FLT1: variants seen among roughly 807,000 people sequenced by gnomAD.
FLT1 encodes the protein vascular endothelial growth factor receptor 1.
A neutral mutation model predicts 156.3 loss-of-function variants in FLT1; 49 were observed. The ratio of observed to expected loss-of-function variants is 0.31; its 90% CI spans 0.25 to 0.40. The LOEUF (loss-of-function observed/expected upper bound fraction) is 0.40, where lower values mean the gene tolerates loss of function less well. Among genes scored for constraint, FLT1 ranks in the 10% least tolerant of loss-of-function variants. The pLI is 1.00. For missense variants in FLT1, 1,322 were observed against 1,637.2 expected (o/e 0.81, Z 3.32); for synonymous variants, 594 against 583.8 (o/e 1.02, Z -0.25).
intron 6 of FLT1, among the ~76,000 whole-genome samples, 159 bp from the exon 7 acceptor site, chr13:28,431,469 A>G (rs555179242): frequency 2.0e-5 from 3 of 152,334 alleles, no homozygotes; most frequent in Non-Finnish European, 4.4e-5. Flanking sequence ...TGGAAACTAC[A>G]TCTGTGTCTA....
chr13:28,400,697 G>A (rs1187612173), intron 11 of FLT1, among the ~76,000 whole-genome samples: 5 of 152,068 alleles, frequency 3.3e-5, no homozygotes, highest in African/African-American at 9.7e-5. Context: ...GGAAAAAAAC[G>A]AAAATAGCAT....
At chr13:28,445,782 T>C (rs1450376274) in intron 3 of FLT1, among the ~76,000 whole-genome samples, 1 of 152,062 alleles carries the variant, frequency 6.6e-6, no homozygotes, top group Non-Finnish European at 1.5e-5. Context: ...TTCCAAAAAA[T>C]AGAAGAGAAG....
chr13:28,423,585 C>A (rs1307288497), intron 10 of FLT1, among the ~76,000 whole-genome samples: 1 of 152,208 alleles, frequency 6.6e-6, no homozygotes, highest in African/African-American at 2.4e-5. Context: ...AAGAAATGTA[C>A]CCCAATGCTA....
chr13:28,405,802 G>A lies in FLT1; in HGVS notation c.1529C>T (p.Ala510Val), dbSNP rs1421364343. ...TACCTTATTCTTTCCTTCTATTATT[G>A]CCATGCGCTGAGTGATGCTCTCAAT... ...NRIESITQRM[A>V]IIEGKNKMAS... Residue 510 changes from alanine to valine, a missense_variant, in exon 11 of 30, where the codon GCA becomes GTA. This residue lies in a region of FLT1 where 991 missense variants were observed against 1,254.8 expected (regional missense o/e 0.79). Coordinates refer to ENST00000282397, the MANE Select transcript of FLT1 (RefSeq NM_002019.4). 1.3e-6 allele frequency: 2 copies of A among 1,589,876 alleles called. No homozygotes were observed. Among genetic ancestry groups the A allele is most frequent in the Non-Finnish European group, 1.7e-6 (2 of 1,158,766 alleles).
At chr13:28,416,186 G>T (rs1876637504) in intron 10 of FLT1, among the ~76,000 whole-genome samples, 1 of 152,226 alleles carries the variant, frequency 6.6e-6, no homozygotes, top group Non-Finnish European at 1.5e-5. Flanking sequence ...ACTCAGAGAG[G>T]TGGTTTATTT....
intron 10 of FLT1, among the ~76,000 whole-genome samples, chr13:28,417,414 C>G (rs1335503409): frequency 1.3e-5 from 2 of 152,082 alleles, no homozygotes; most frequent in Non-Finnish European, 2.9e-5. Context: ...CTCCTTGGTG[C>G]GGCCTCTAAA....
chr13:28,427,422 GAAAC>G, intron 9 of FLT1, 104 bp from the exon 10 acceptor site: 1 of 1,090,046 alleles, frequency 9.2e-7, no homozygotes, highest in South Asian at 1.3e-5. Flanking sequence ...TGATGTCAGG[GAAAC>G]AAACAAGAAA....
intron 19 of FLT1, among the ~76,000 whole-genome samples, chr13:28,328,814 C>T (rs1395292470): frequency 6.6e-6 from 1 of 152,170 alleles, no homozygotes; most frequent in Admixed American, 6.6e-5. Flanking sequence ...TTTACAGATG[C>T]AAAGTTGAGG....
Position 28,340,859 on chromosome 13 carries a change from C to T in FLT1, c.2356-1559G>A, listed in dbSNP as rs1174221119. Among the ~76,000 whole-genome samples the T allele has an allele frequency of 4.9e-5, 7 of 142,114 alleles. No homozygotes were observed. The South Asian group carries it at 7.3e-4, about 15-fold the overall frequency. 93.2% of individuals were successfully genotyped at this position (142,114 alleles called of 152,430 possible). A position where few individuals can be genotyped will look rare whatever the true frequency, so the allele number is the denominator to read the frequency against. On this transcript the variant is annotated intron_variant, in intron 16 of 29. Transcript: ENST00000282397. ...GAGAAGCAAAAAACGATATGGAGCA[C>T]GTTTGTCACAAACTGTGGTTGCCAT...
intron 3 of FLT1, among the ~76,000 whole-genome samples, chr13:28,457,971 A>G (rs1482085485): frequency 8.2e-5 from 9 of 110,332 alleles, no homozygotes; most frequent in African/African-American, 2.3e-4. Context: ...GTCTTGCTCT[A>G]TCGCCCAGGC....
chr13:28,422,254 T>C (rs1458978150), intron 10 of FLT1, among the ~76,000 whole-genome samples: 2 of 152,212 alleles, frequency 1.3e-5, no homozygotes, highest in East Asian at 1.9e-4. Flanking sequence ...TGACTAGTTA[T>C]CACAGATAGC....
chr13:28,332,998 C>T (rs1871987312), intron 18 of FLT1, among the ~76,000 whole-genome samples: 1 of 152,180 alleles, frequency 6.6e-6, no homozygotes. Flanking sequence ...AAACTCCTTC[C>T]CAGACTACTT....
rs373287508 is a variant in FLT1, at chr13:28,394,852, G to A, written c.1660+2108C>T. 3.3e-5 allele frequency among the ~76,000 whole-genome samples: 5 copies of A among 152,246 alleles called. No homozygotes were observed. In the East Asian group the frequency reaches 7.7e-4, roughly 24 times the overall value. On this transcript the variant is annotated intron_variant, in intron 12 of 29. Coordinates refer to ENST00000282397, the MANE Select transcript of FLT1 (RefSeq NM_002019.4). ...TAAGGCTGATTTAAATCTGCTTCTA[G>A]GTTGGCTCTTCCCTAGGTCTGGCCT...
Position 28,339,151 on chromosome 13 carries a change from T to C in FLT1, c.2488+17A>G, listed in dbSNP as rs1441916178. 1.9e-6 allele frequency: 3 copies of C among 1,612,854 alleles called. No homozygotes were observed. In the African/African-American group the frequency reaches 4.0e-5, roughly 22 times the overall value. On this transcript the variant is annotated intron_variant, in intron 17 of 29. Coordinates refer to ENST00000282397, the MANE Select transcript of FLT1 (RefSeq NM_002019.4). ...TGCTCAGTATAGGTTTATGAATCTG[T>C]TGAACAAATATCTTACCCAGTTTAA...
chr13:28,409,843 T>C (rs576435867), intron 10 of FLT1, among the ~76,000 whole-genome samples: 2 of 151,936 alleles, frequency 1.3e-5, no homozygotes, highest in East Asian at 3.9e-4. Context: ...ACCATTACTA[T>C]GTTGAGGATT....
intron 25 of FLT1, among the ~76,000 whole-genome samples, chr13:28,316,638 CTTTTTTTTTTTTT>C (rs572382294): frequency 7.4e-6 from 1 of 134,688 alleles, no homozygotes; most frequent in Non-Finnish European, 1.6e-5. Context: ...CTAAAAGGTT[CTTTTTTTTTTTTT>C]TTTTTGAGAC....
intron 29 of FLT1, among the ~76,000 whole-genome samples, chr13:28,304,780 C>T (rs983685496): frequency 6.6e-6 from 1 of 152,134 alleles, no homozygotes; most frequent in Non-Finnish European, 1.5e-5. Flanking sequence ...TAAAAGGAAT[C>T]ATGCAATAGG....
chr13:28,314,814 A>G (rs968870045), intron 25 of FLT1, among the ~76,000 whole-genome samples: 1 of 152,194 alleles, frequency 6.6e-6, no homozygotes, highest in African/African-American at 2.4e-5. Flanking sequence ...ACTTTTTAAA[A>G]TTTCTAAAAT....
rs1876285553 is a variant in FLT1, at chr13:28,412,347, TTTC to T, written c.1437-6456_1437-6454del. Among the ~76,000 whole-genome samples, 9 of 60,144 alleles carry T rather than the reference TTTC, an allele frequency of 1.5e-4. 1 individual carries two copies. Among genetic ancestry groups the T allele is most frequent in the African/African-American group, 4.0e-4 (8 of 20,226 alleles). 39.5% of individuals were successfully genotyped at this position (60,144 alleles called of 152,430 possible). On this transcript the variant is annotated intron_variant, in intron 10 of 29. Coordinates refer to ENST00000282397, the MANE Select transcript of FLT1 (RefSeq NM_002019.4). ...TTTCTTTCTTTTCTTTCTTTCTTTC[TTTC>T]TCTTTCTTTCTTTCTTTCTTTCTTT...
Sources: allele counts gnomAD v4.1 joint callset (sites outside exome capture counted in the v4.1 genomes callset), GRCh38; gene constraint gnomAD v4.1.1; regional missense constraint gnomAD v4.1.1; transcripts MANE v1.5; gene names NCBI Gene and HGNC (gene_info 2026-07-23, HGNC 2026-07-21).